RSRC1: variants seen among roughly 807,000 people sequenced by gnomAD.
RSRC1 encodes serine/Arginine-related protein 53.
A neutral mutation model predicts 49.1 loss-of-function variants in RSRC1; 39 were observed. The ratio of observed to expected loss-of-function variants is 0.79; its 90% CI spans 0.61 to 1.04. RSRC1 has a LOEUF of 1.04. Ranked by LOEUF, RSRC1 falls within the 50% of genes least tolerant of loss-of-function variation. The pLI is 0.00. For synonymous variants in RSRC1, 143 were observed against 130.8 expected (o/e 1.09, Z -0.63); for missense variants, 388 against 402.4 (o/e 0.96, Z 0.31).
At chr3:158,178,816 G>A (rs1237348487) in intron 3 of RSRC1, among the ~76,000 whole-genome samples, 1 of 152,034 alleles carries the variant, frequency 6.6e-6, no homozygotes, top group Non-Finnish European at 1.5e-5. Flanking sequence ...GCTTCTGTTT[G>A]TTTCAGGGAT....
intron 6 of RSRC1, among the ~76,000 whole-genome samples, chr3:158,426,210 A>T (rs1033691986): frequency 1.3e-5 from 2 of 151,792 alleles, no homozygotes; most frequent in Non-Finnish European, 2.9e-5. Flanking sequence ...AAAAATACCC[A>T]TTTAAAATAT....
At chr3:158,493,088 G>A (rs1302609189) in intron 7 of RSRC1, among the ~76,000 whole-genome samples, 1 of 152,148 alleles carries the variant, frequency 6.6e-6, no homozygotes, top group Non-Finnish European at 1.5e-5. Flanking sequence ...ACTGGAGGGG[G>A]AGTGGGAATC....
intron 7 of RSRC1, among the ~76,000 whole-genome samples, chr3:158,519,360 G>A (rs989671948): frequency 6.6e-6 from 1 of 151,936 alleles, no homozygotes; most frequent in Non-Finnish European, 1.5e-5. Context: ...AGAGTGACCA[G>A]TGTTTTCTTT....
chr3:158,468,907 CTGA>C (rs752717600), intron 7 of RSRC1, among the ~76,000 whole-genome samples: 1 of 152,098 alleles, frequency 6.6e-6, no homozygotes, highest in Non-Finnish European at 1.5e-5. Context: ...AAGATTTATT[CTGA>C]TAAGTTTGTA....
At chr3:158,202,781 G>A (rs1248582326) in intron 3 of RSRC1, among the ~76,000 whole-genome samples, 1 of 151,652 alleles carries the variant, frequency 6.6e-6, no homozygotes, top group Admixed American at 6.6e-5. Flanking sequence ...GATTAAATTA[G>A]ATACATTATT....
rs374587847 is a variant in RSRC1 at position 158,497,508 on chromosome 3, C to T, written c.652+36505C>T. Among the ~76,000 whole-genome samples the T allele has an allele frequency of 1.3e-5, 2 of 150,698 alleles. 1 individual carries two copies. The highest frequency in any genetic ancestry group is 4.9e-5 in the African/African-American group (2 of 40,812). On this transcript the variant is annotated intron_variant, in intron 7 of 9. Coordinates refer to ENST00000611884, the MANE Select transcript of RSRC1 (RefSeq NM_001271838.2). ...TTGGAGTGCAGTGGCTCAATCTCGG[C>T]TCACTGCAACCTCTGCCCCCCGGGT...
chr3:158,229,195 T>C (rs1722759839), intron 4 of RSRC1, among the ~76,000 whole-genome samples: 1 of 90,068 alleles, frequency 1.1e-5, no homozygotes, highest in Non-Finnish European at 2.6e-5. Flanking sequence ...TAAACATACA[T>C]ATATGTGTAT....
At chr3:158,175,236 A>T (rs1192390452) in intron 3 of RSRC1, among the ~76,000 whole-genome samples, 2 of 151,618 alleles carry the variant, frequency 1.3e-5, no homozygotes, top group Admixed American at 1.3e-4. Flanking sequence ...CCCTTTGTTG[A>T]TATTATTTCA....
At chr3:158,336,820 CTG>C (rs1403983893) in intron 5 of RSRC1, 1 of 152,178 alleles carries the variant, frequency 6.6e-6, no homozygotes, top group African/African-American at 2.4e-5. Context: ...GGCAGCATCT[CTG>C]TGATATTCCT....
At chr3:158,140,668 C>G (rs1002773926) in intron 3 of RSRC1, among the ~76,000 whole-genome samples, 2 of 152,152 alleles carry the variant, frequency 1.3e-5, no homozygotes, top group African/African-American at 2.4e-5. Flanking sequence ...TACTTTTGTT[C>G]TTCTGCCAAT....
At chr3:158,446,176 T>G (rs1341138869) in intron 6 of RSRC1, among the ~76,000 whole-genome samples, 1 of 152,138 alleles carries the variant, frequency 6.6e-6, no homozygotes, top group Admixed American at 6.6e-5. Flanking sequence ...AAATACCATA[T>G]TCAGTTTTAG....
chr3:158,509,677 A>G (rs979196312), intron 7 of RSRC1, among the ~76,000 whole-genome samples: 1 of 152,212 alleles, frequency 6.6e-6, no homozygotes, highest in Non-Finnish European at 1.5e-5. Context: ...TGTATTTTAC[A>G]AAGTAAAAAA....
intron 3 of RSRC1, among the ~76,000 whole-genome samples, chr3:158,199,191 C>G (rs935226169): frequency 2.0e-4 from 30 of 152,270 alleles, no homozygotes; most frequent in African/African-American, 7.0e-4. Flanking sequence ...ATGTGACTTG[C>G]TACTCCTTGC....
intron 4 of RSRC1, among the ~76,000 whole-genome samples, chr3:158,290,436 C>A (rs1443222452): frequency 6.6e-6 from 1 of 152,060 alleles, no homozygotes; most frequent in Non-Finnish European, 1.5e-5. Context: ...CCACGCCCAG[C>A]TAATTTTTTG....
At chr3:158,502,260 A>G (rs1448193640) in intron 7 of RSRC1, among the ~76,000 whole-genome samples, 3 of 152,178 alleles carry the variant, frequency 2.0e-5, no homozygotes, top group Non-Finnish European at 4.4e-5. Context: ...TTTCCTTTAT[A>G]GGTTACCTGG....
chr3:158,353,727 A>T (rs890383269), intron 5 of RSRC1, among the ~76,000 whole-genome samples: 1 of 152,198 alleles, frequency 6.6e-6, no homozygotes, highest in Non-Finnish European at 1.5e-5. Context: ...TTTTACAAAT[A>T]GCAAAATATT....
chr3:158,125,321 T>G (rs76422322), intron 3 of RSRC1, among the ~76,000 whole-genome samples: 2,366 of 152,196 alleles, frequency 0.016, 82 homozygotes, highest in African/African-American at 0.054. Context: ...AAGTATGATA[T>G]GAGACTTTTC....
At chr3:158,375,159 G>GTTATTA (rs60589390) in intron 6 of RSRC1, among the ~76,000 whole-genome samples, 20 of 145,226 alleles carry the variant, frequency 1.4e-4, no homozygotes, top group South Asian at 4.4e-4. Flanking sequence ...GACTTAGCAA[G>GTTATTA]TTATTATTAT....
At chr3:158,176,879 T>A (rs1047648137) in intron 3 of RSRC1, among the ~76,000 whole-genome samples, 1 of 151,804 alleles carries the variant, frequency 6.6e-6, no homozygotes, top group African/African-American at 2.4e-5. Context: ...TGGGAGAAAA[T>A]TTTTGCAATC....
Sources: allele counts gnomAD v4.1 joint callset (sites outside exome capture counted in the v4.1 genomes callset), GRCh38; gene constraint gnomAD v4.1.1; transcripts MANE v1.5; gene names NCBI Gene and HGNC (gene_info 2026-07-23, HGNC 2026-07-21).